The following ULK4 variants were observed in gnomAD, a reference collection of about 807,000 sequenced individuals.
ULK4 encodes inactive serine/threonine-protein kinase ULK4.
ULK4 carries 133 observed loss-of-function variants against 160.6 expected under a neutral mutation model. That is an observed-to-expected ratio of 0.83 (90% CI 0.72 to 0.96). ULK4 has a LOEUF of 0.96. ULK4 is among the 40% of genes least tolerant of loss of function. ULK4 has a pLI of 0.00. For synonymous variants in ULK4, 534 were observed against 539.8 expected (o/e 0.99, Z 0.15); for missense variants, 1,580 against 1,499.5 (o/e 1.05, Z -0.89).
chr3:41,300,852 T>C (rs1422946315), intron 35 of ULK4, among the ~76,000 whole-genome samples: 95 of 82,320 alleles, frequency 1.2e-3, no homozygotes, highest in African/African-American at 4.4e-3. Context: ...TATATATATA[T>C]ATATATATAT....
intron 32 of ULK4, among the ~76,000 whole-genome samples, chr3:41,548,620 T>A (rs558392625): frequency 6.6e-6 from 1 of 151,990 alleles, no homozygotes; most frequent in Non-Finnish European, 1.5e-5. Context: ...CACAATGCCA[T>A]TGCAGATGCC....
At chr3:41,501,983 T>C (rs945541116) in intron 32 of ULK4, among the ~76,000 whole-genome samples, 2 of 152,230 alleles carry the variant, frequency 1.3e-5, no homozygotes, top group African/African-American at 2.4e-5. Flanking sequence ...TCACTTGGCA[T>C]AGTGTCCTCC....
At position 41,836,045 on chromosome 3, in the gene ULK4, C is replaced by T. The variant is rs2041747569; in HGVS notation, c.1657-74G>A. ...AGTTCTTAAACCTATATGTAAAAAGCAGGATACCCTGTAAAAGTCACCATT... is the reference window on the plus strand; with the variant it reads ...AGTTCTTAAACCTATATGTAAAAAGTAGGATACCCTGTAAAAGTCACCATT... On this transcript the variant is annotated intron_variant, in intron 17 of 36. Coordinates refer to ENST00000301831, the MANE Select transcript of ULK4 (RefSeq NM_017886.4). 6.0e-6 allele frequency: 6 copies of T among 1,008,042 alleles called. No homozygotes were observed. The South Asian group carries it at 7.7e-5, about 13-fold the overall frequency. 62.4% of individuals were successfully genotyped at this position (1,008,042 alleles called of 1,614,324 possible).
intron 35 of ULK4, among the ~76,000 whole-genome samples, chr3:41,376,457 T>C (rs1006702371): frequency 6.7e-5 from 10 of 150,194 alleles, no homozygotes; most frequent in African/African-American, 1.2e-4. Flanking sequence ...GACGACATGA[T>C]TGTATATCTA....
intron 22 of ULK4, among the ~76,000 whole-genome samples, chr3:41,742,940 C>G (rs2093130122): frequency 6.6e-6 from 1 of 150,688 alleles, no homozygotes; most frequent in Non-Finnish European, 1.5e-5. Context: ...AAAAAATAGA[C>G]AAAAGAAAAA....
intron 31 of ULK4, among the ~76,000 whole-genome samples, chr3:41,598,803 AGT>A (rs2031866227): frequency 6.6e-6 from 1 of 152,224 alleles, no homozygotes; most frequent in African/African-American, 2.4e-5. Flanking sequence ...GTATTATGTA[AGT>A]GTATTATTGC....
chr3:41,951,266 T>C (rs6599194), intron 2 of ULK4, among the ~76,000 whole-genome samples: 145,928 of 151,750 alleles, frequency 0.96, 70,437 homozygotes, highest in East Asian at 1. Context: ...AATCAATCTA[T>C]CCAAAGCAAT....
chr3:41,521,367 G>A (rs996138154), intron 32 of ULK4, among the ~76,000 whole-genome samples: 2 of 151,964 alleles, frequency 1.3e-5, no homozygotes, highest in African/African-American at 4.8e-5. Context: ...TCACTGATTA[G>A]ACCTTATTTT....
At chr3:41,410,605 A>G (rs1045124377) in intron 34 of ULK4, among the ~76,000 whole-genome samples, 6 of 150,676 alleles carry the variant, frequency 4.0e-5, no homozygotes, top group Non-Finnish European at 8.8e-5. Context: ...TGCACAATAT[A>G]CAAAAATATT....
At chr3:41,276,434 A>G (rs1268150216) in intron 35 of ULK4, among the ~76,000 whole-genome samples, 1 of 152,218 alleles carries the variant, frequency 6.6e-6, no homozygotes. Context: ...ATCCAGGGGA[A>G]AGCTCCAGCC....
chr3:41,498,352 T>C (rs2085065337), intron 32 of ULK4, among the ~76,000 whole-genome samples: 1 of 152,138 alleles, frequency 6.6e-6, no homozygotes, highest in Non-Finnish European at 1.5e-5. Flanking sequence ...CATTTCAAAA[T>C]GAATGATAAT....
chr3:41,470,927 G>A (rs77579975), intron 32 of ULK4, among the ~76,000 whole-genome samples: 4,775 of 152,066 alleles, frequency 0.031, 243 homozygotes, highest in African/African-American at 0.11. Context: ...GAAGAAAGAA[G>A]CAAAACAACC....
chr3:41,955,921 G>C lies in ULK4; in HGVS notation c.-48-1114C>G. ...CCGTTACAATGGAAACCTGGTACAA[G>C]GGAAAACAACATCTGCACAGTGGGA... On this transcript the variant is annotated intron_variant, in intron 1 of 36. Coordinates refer to ENST00000301831, the MANE Select transcript of ULK4 (RefSeq NM_017886.4). Among the ~76,000 whole-genome samples the C allele has an allele frequency of 2.6e-5, 4 of 152,274 alleles. 1 individual carries two copies. In the South Asian group the frequency reaches 8.3e-4, roughly 32 times the overall value.
At chr3:41,317,153 G>GCAAGCTC (rs936536025) in intron 35 of ULK4, among the ~76,000 whole-genome samples, 3 of 141,832 alleles carry the variant, frequency 2.1e-5, no homozygotes, top group Non-Finnish European at 4.5e-5. Context: ...TCGGCTCACT[G>GCAAGCTC]CAAGCTCCGC....
At chr3:41,799,050 T>C (rs1012734975) in intron 20 of ULK4, among the ~76,000 whole-genome samples, 1 of 152,074 alleles carries the variant, frequency 6.6e-6, no homozygotes, top group African/African-American at 2.4e-5. Flanking sequence ...CACTTTTCCC[T>C]GGGCAGCAAA....
At chr3:41,402,861 G>A (rs1435495085) in intron 34 of ULK4, among the ~76,000 whole-genome samples, 1 of 152,136 alleles carries the variant, frequency 6.6e-6, no homozygotes, top group African/African-American at 2.4e-5. Flanking sequence ...CATAAAATGA[G>A]TTGGGAAATG....
intron 35 of ULK4, among the ~76,000 whole-genome samples, chr3:41,311,357 A>T (rs1167180009): frequency 6.6e-6 from 1 of 152,140 alleles, no homozygotes; most frequent in Admixed American, 6.5e-5. Flanking sequence ...AAGCACAGCT[A>T]GAGTATAAAG....
chr3:41,470,805 C>G (rs1468422478), intron 32 of ULK4, among the ~76,000 whole-genome samples: 1 of 152,016 alleles, frequency 6.6e-6, no homozygotes, highest in East Asian at 1.9e-4. Context: ...CTATGTAAGT[C>G]TCATGGTAAT....
chr3:41,528,956 C>T (rs1468572130), intron 32 of ULK4, among the ~76,000 whole-genome samples: 2 of 152,192 alleles, frequency 1.3e-5, no homozygotes, highest in Non-Finnish European at 2.9e-5. Flanking sequence ...AGCGAGCCTT[C>T]ACATGTACCT....
Sources: gnomAD v4.1 joint callset for allele counts (sites outside exome capture counted in the v4.1 genomes callset) on GRCh38, gnomAD v4.1.1 for gene constraint, MANE v1.5 for transcripts, NCBI Gene and HGNC (gene_info 2026-07-23, HGNC 2026-07-21) for gene names.